ATP8A2: variants seen among roughly 807,000 people sequenced by gnomAD.
The protein encoded by ATP8A2 is ATPase phospholipid transporting 8A2.
ATP8A2 carries 100 observed loss-of-function variants against 165.6 expected under a neutral mutation model. That is an observed-to-expected ratio of 0.60 (90% CI 0.51 to 0.71). The LOEUF (loss-of-function observed/expected upper bound fraction) is 0.71. ATP8A2 is among the 30% of genes least tolerant of loss of function. ATP8A2 has a pLI of 0.00. For missense variants in ATP8A2, 1,227 were observed against 1,479.5 expected (o/e 0.83, Z 2.80); for synonymous variants, 543 against 548.8 (o/e 0.99, Z 0.15).
At chr13:25,558,259 A>G (rs1471997871) in intron 13 of ATP8A2, among the ~76,000 whole-genome samples, 1 of 152,284 alleles carries the variant, frequency 6.6e-6, no homozygotes, top group East Asian at 1.9e-4. Context: ...AATCCTGCTT[A>G]CTTAAAGGCA....
rs138690201 is a variant in ATP8A2, at chr13:25,676,377, C to T, written c.2212-22796C>T. ...TAGCTCTTCCCCCGGCTTGAGTTGT[C>T]CTGGAAAGGTGCAGACCTCATGAGA... On this transcript the variant is annotated intron_variant, in intron 24 of 36. Transcript: ENST00000381655. 7.2e-5 allele frequency among the ~76,000 whole-genome samples: 11 copies of T among 152,206 alleles called. No homozygotes were observed. The East Asian group carries it at 1.5e-3, about 21-fold the overall frequency.
intron 27 of ATP8A2, among the ~76,000 whole-genome samples, chr13:25,777,518 A>G (rs1040964974): frequency 1.3e-5 from 2 of 152,044 alleles, no homozygotes; most frequent in African/African-American, 2.4e-5. Flanking sequence ...TAAATACATT[A>G]CTTATTTATC....
intron 35 of ATP8A2, among the ~76,000 whole-genome samples, chr13:25,988,194 A>G (rs3783143): frequency 0.14 from 21,773 of 152,288 alleles, 2,443 homozygotes; most frequent in East Asian, 0.54. Flanking sequence ...CCAGCTGAGC[A>G]TGCATGCCAG....
At chr13:25,437,099 G>A (rs1168029840) in intron 1 of ATP8A2, among the ~76,000 whole-genome samples, 2 of 152,040 alleles carry the variant, frequency 1.3e-5, no homozygotes, top group Admixed American at 1.3e-4. Flanking sequence ...TTTAGTAATA[G>A]CCATTCTGAC....
At position 25,823,448 on chromosome 13, in the gene ATP8A2, G is replaced by A. The variant is rs192899564; in HGVS notation, c.2680-4670G>A. Among the ~76,000 whole-genome samples the A allele has an allele frequency of 2.3e-3, 344 of 152,038 alleles. 1 individual carries two copies. The highest frequency in any genetic ancestry group is 8.0e-3 in the African/African-American group (332 of 41,480). Reference sequence around the variant, plus strand: ...ATTTTTTATTATTAATATAAGACACGTGTTTAATATTACTTCTGTCATCAC... The same window carrying A: ...ATTTTTTATTATTAATATAAGACACATGTTTAATATTACTTCTGTCATCAC... On this transcript the variant is annotated intron_variant, in intron 27 of 36. Transcript: ENST00000381655.
chr13:25,802,335 T>C (rs981159184), intron 27 of ATP8A2, among the ~76,000 whole-genome samples: 1 of 152,138 alleles, frequency 6.6e-6, no homozygotes, highest in African/African-American at 2.4e-5. Flanking sequence ...ACATTCCCTG[T>C]CTTGATCATC....
At chr13:25,391,518 G>A (rs1399781082) in intron 1 of ATP8A2, among the ~76,000 whole-genome samples, 1 of 152,174 alleles carries the variant, frequency 6.6e-6, no homozygotes, top group Non-Finnish European at 1.5e-5. Context: ...TCTGCTGGGG[G>A]AAACAGCAAG....
At chr13:25,526,250 G>C (rs1000227023) in intron 2 of ATP8A2, among the ~76,000 whole-genome samples, 1 of 151,930 alleles carries the variant, frequency 6.6e-6, no homozygotes, top group African/African-American at 2.4e-5. Flanking sequence ...CTGCTATTTT[G>C]AATTCTTCTT....
chr13:25,408,670 C>CTTAACT (rs58480235), intron 1 of ATP8A2, among the ~76,000 whole-genome samples: 1 of 151,396 alleles, frequency 6.6e-6, no homozygotes, highest in African/African-American at 2.4e-5. Flanking sequence ...ACACTAAGCC[C>CTTAACT]TAAACTCTTT....
Position 25,541,932 on chromosome 13 carries a change from C to T in ATP8A2, c.665C>T (p.Thr222Ile). The T allele has an allele frequency of 6.2e-7, 1 of 1,614,070 alleles. No individual in the cohort carries two copies. The highest frequency in any genetic ancestry group is 8.5e-7 in the Non-Finnish European group (1 of 1,179,974). The change falls in exon 9 of 37, where the codon ACT becomes ATT. Residue 222 changes from threonine to isoleucine, a missense_variant. By Grantham distance (89) the Thr-to-Ile change is moderately conservative (BLOSUM62 -1). Transcript: ENST00000381655. ...TTAATCTTTTAGGGTTTGAGTCACA[C>T]TGCTGACATGCAAACACGTGAAGTT... is the stretch of plus-strand genomic sequence containing the variant. ...NLKIRQGLSH[T>I]ADMQTREVLM...
intron 25 of ATP8A2, among the ~76,000 whole-genome samples, chr13:25,713,034 C>T (rs1391637035): frequency 1.3e-5 from 2 of 152,128 alleles, no homozygotes; most frequent in Non-Finnish European, 2.9e-5. Context: ...CTGAGATTAA[C>T]TTGATTTATC....
At chr13:25,719,862 A>G (rs2043337298) in intron 25 of ATP8A2, among the ~76,000 whole-genome samples, 1 of 152,072 alleles carries the variant, frequency 6.6e-6, no homozygotes, top group South Asian at 2.1e-4. Flanking sequence ...TGGGGCCCCC[A>G]TGGTGGCCCC....
chr13:25,704,156 T>C (rs2137941208), intron 25 of ATP8A2, among the ~76,000 whole-genome samples: 1 of 152,264 alleles, frequency 6.6e-6, no homozygotes, highest in East Asian at 1.9e-4. Context: ...AGGCCCTTCC[T>C]CAGAGCAATA....
chr13:25,391,687 T>C (rs1412707322), intron 1 of ATP8A2, among the ~76,000 whole-genome samples: 5 of 152,176 alleles, frequency 3.3e-5, no homozygotes, highest in Non-Finnish European at 5.9e-5. Context: ...AGCTGCAGCA[T>C]TGTAGCTTAG....
At position 25,589,839 on chromosome 13, in the gene ATP8A2, T is replaced by A. The variant is rs1287340021; in HGVS notation, c.2211+140T>A. On this transcript the variant is annotated intron_variant, in intron 24 of 36. Transcript: ENST00000381655. The stretch of plus-strand genomic sequence containing the variant: ...TGTGTTTATTTTCTGTTTATATTTA[T>A]ATTTAAGAATGGATGTCAGAAAGCC... 5 of 551,754 alleles carry A rather than the reference T, an allele frequency of 9.1e-6. No individual in the cohort carries two copies. The African/African-American group carries it at 9.6e-5, about 11-fold the overall frequency. 34.2% of individuals were successfully genotyped at this position (551,754 alleles called of 1,614,324 possible).
At chr13:25,704,205 A>C (rs1298426034) in intron 25 of ATP8A2, among the ~76,000 whole-genome samples, 2 of 152,008 alleles carry the variant, frequency 1.3e-5, no homozygotes, top group Admixed American at 1.3e-4. Context: ...TCCCCGTGGC[A>C]CCTCTCTTCT....
intron 33 of ATP8A2, among the ~76,000 whole-genome samples, chr13:25,915,547 G>A (rs1954247195): frequency 6.6e-6 from 1 of 152,200 alleles, no homozygotes; most frequent in Non-Finnish European, 1.5e-5. Context: ...GTGAAACATG[G>A]CCAATTTTGG....
chr13:25,409,516 C>T (rs1432639655), intron 1 of ATP8A2, among the ~76,000 whole-genome samples: 3 of 152,194 alleles, frequency 2.0e-5, no homozygotes, highest in Admixed American at 2.0e-4. Context: ...TATCTTCTTT[C>T]ACATTCTTGT....
In ATP8A2 at chr13:25,657,394, C is replaced by T. The variant is rs115852400; in HGVS notation, c.2212-41779C>T. Among the ~76,000 whole-genome samples, 1,308 of 152,282 alleles carry T rather than the reference C, an allele frequency of 8.6e-3. 17 individuals carry two copies. Among genetic ancestry groups the T allele is most frequent in the African/African-American group, 0.03 (1,236 of 41,540 alleles). ...GTCCCTCTCCGTGAAGCAGGAGTTA[C>T]ACGCTCAGATGCCTGGGGGGGTGAG... On this transcript the variant is annotated intron_variant, in intron 24 of 36. Coordinates refer to ENST00000381655, the MANE Select transcript of ATP8A2 (RefSeq NM_016529.6).
Sources: allele counts gnomAD v4.1 joint callset (sites outside exome capture counted in the v4.1 genomes callset), GRCh38; gene constraint gnomAD v4.1.1; transcripts MANE v1.5; gene names NCBI Gene and HGNC (gene_info 2026-07-23, HGNC 2026-07-21).